Variants in PALM2AKAP2 observed in about 807,000 individuals in gnomAD.
The protein encoded by PALM2AKAP2 is PALM2 and AKAP2 fusion, also known as PALM2-AKAP2 fusion protein.
In PALM2AKAP2, 37 loss-of-function variants were observed where a neutral mutation model predicts 71.5. The observed-to-expected ratio is 0.52, with a 90% CI of 0.40 to 0.68. The LOEUF (loss-of-function observed/expected upper bound fraction) is 0.68. Among genes scored for constraint, PALM2AKAP2 ranks in the 30% least tolerant of loss-of-function variants. PALM2AKAP2 has a pLI of 0.00. For synonymous variants in PALM2AKAP2, 468 were observed against 478.8 expected (o/e 0.98, Z 0.29); for missense variants, 1,224 against 1,191.8 (o/e 1.03, Z -0.40).
intron 1 of PALM2AKAP2, among the ~76,000 whole-genome samples, chr9:109,692,565 C>T (rs2118553941): frequency 6.6e-6 from 1 of 152,024 alleles, no homozygotes; most frequent in Non-Finnish European, 1.5e-5. Flanking sequence ...TATCATGTAG[C>T]TATAGGTTTT....
chr9:110,133,396 AT>A (rs942972812), intron 1 of PALM2AKAP2, among the ~76,000 whole-genome samples: 24 of 149,808 alleles, frequency 1.6e-4, no homozygotes, highest in East Asian at 7.8e-4. Flanking sequence ...CAGAGAACTC[AT>A]TTTTTTTTTA....
At chr9:109,859,716 A>T (rs182349313) in intron 1 of PALM2AKAP2, among the ~76,000 whole-genome samples, 11 of 152,370 alleles carry the variant, frequency 7.2e-5, no homozygotes, top group Admixed American at 2.6e-4. Flanking sequence ...GGGATGAGGA[A>T]TAAATAGAGT....
At chr9:109,941,727 G>A (rs1365739686) in intron 6 of PALM2AKAP2, among the ~76,000 whole-genome samples, 1 of 152,154 alleles carries the variant, frequency 6.6e-6, no homozygotes, top group Non-Finnish European at 1.5e-5. Flanking sequence ...GAGTCTATAG[G>A]ACAGGAAAGA....
intron 6 of PALM2AKAP2, among the ~76,000 whole-genome samples, chr9:109,962,134 A>T (rs1376039974): frequency 1.3e-5 from 2 of 152,260 alleles, no homozygotes; most frequent in African/African-American, 4.8e-5. Context: ...AGTCCTGAAC[A>T]CATTACTGCA....
intron 3 of PALM2AKAP2, among the ~76,000 whole-genome samples, chr9:109,893,312 T>A (rs1425707740): frequency 6.6e-6 from 1 of 152,144 alleles, no homozygotes; most frequent in Non-Finnish European, 1.5e-5. Context: ...AAGTAGAGGA[T>A]GAAAAAGAAC....
rs55991434 is a variant in PALM2AKAP2 at position 109,927,267 on chromosome 9, A to C, written c.394+2185A>C. 3.9e-3 allele frequency among the ~76,000 whole-genome samples: 599 copies of C among 152,336 alleles called. 4 individuals carry two copies. The highest frequency in any genetic ancestry group is 0.012 in the African/African-American group (481 of 41,572). Reference sequence around the variant, plus strand: ...TGTGATTGATGTATATAGAGTCACAATGTGGTGAAGCACATCCCAGTTGAG... The same window carrying C: ...TGTGATTGATGTATATAGAGTCACACTGTGGTGAAGCACATCCCAGTTGAG... On this transcript the variant is annotated intron_variant, in intron 5 of 9. Transcript: ENST00000302798.
chr9:110,052,310 C>T (rs530126036), intron 1 of PALM2AKAP2, among the ~76,000 whole-genome samples: 1 of 152,332 alleles, frequency 6.6e-6, no homozygotes, highest in South Asian at 2.1e-4. Context: ...GCATGAGCCT[C>T]ACCCAGCAGC....
intron 5 of PALM2AKAP2, among the ~76,000 whole-genome samples, chr9:109,928,455 C>T (rs1831006232): frequency 6.6e-6 from 1 of 152,132 alleles, no homozygotes; most frequent in African/African-American, 2.4e-5. Flanking sequence ...TTAGACTATT[C>T]TGACTTTGGC....
At chr9:110,087,702 C>G (rs1834605605) in intron 1 of PALM2AKAP2, among the ~76,000 whole-genome samples, 1 of 152,210 alleles carries the variant, frequency 6.6e-6, no homozygotes, top group South Asian at 2.1e-4. Context: ...GCTAGGTGAG[C>G]TGGTTCATTT....
At chr9:110,142,397 T>C (rs1032902662) in intron 2 of PALM2AKAP2, among the ~76,000 whole-genome samples, 1 of 152,134 alleles carries the variant, frequency 6.6e-6, no homozygotes, top group African/African-American at 2.4e-5. Flanking sequence ...CTGGCCCTTA[T>C]TTGACTTTTA....
chr9:109,896,939 A>G (rs1197683572), intron 3 of PALM2AKAP2, among the ~76,000 whole-genome samples: 1 of 152,222 alleles, frequency 6.6e-6, no homozygotes, highest in Non-Finnish European at 1.5e-5. Context: ...AGTTCCAGCT[A>G]TCTTTTGCTT....
chr9:109,891,470 A>G (rs905874313), intron 3 of PALM2AKAP2, among the ~76,000 whole-genome samples: 3 of 151,964 alleles, frequency 2.0e-5, no homozygotes, highest in Non-Finnish European at 4.4e-5. Flanking sequence ...GAACACTGAC[A>G]TGTCACTCAT....
intron 2 of PALM2AKAP2, among the ~76,000 whole-genome samples, chr9:109,879,601 C>T (rs1425156279): frequency 6.6e-6 from 1 of 152,168 alleles, no homozygotes; most frequent in African/African-American, 2.4e-5. Flanking sequence ...TTTCCCTTCT[C>T]AAAGCAGTAA....
At chr9:109,948,435 G>A (rs1014245442) in intron 6 of PALM2AKAP2, among the ~76,000 whole-genome samples, 4 of 152,266 alleles carry the variant, frequency 2.6e-5, no homozygotes, top group Admixed American at 1.3e-4. Flanking sequence ...AATATAATAT[G>A]TAATTTTGGG....
intron 6 of PALM2AKAP2, among the ~76,000 whole-genome samples, chr9:109,934,884 A>T (rs1415877395): frequency 6.6e-6 from 1 of 152,214 alleles, no homozygotes; most frequent in African/African-American, 2.4e-5. Context: ...TTAATCTCGA[A>T]AGACAAAAAT....
intron 1 of PALM2AKAP2, among the ~76,000 whole-genome samples, chr9:109,750,962 A>C (rs1436425456): frequency 6.6e-6 from 1 of 152,072 alleles, no homozygotes; most frequent in Non-Finnish European, 1.5e-5. Flanking sequence ...ACAAGATAGG[A>C]CCCAATACAG....
intron 3 of PALM2AKAP2, among the ~76,000 whole-genome samples, chr9:110,161,843 TTTTG>T (rs1305719001): frequency 2.0e-5 from 3 of 151,948 alleles, no homozygotes; most frequent in Admixed American, 1.3e-4. Flanking sequence ...GAAAGCAACG[TTTTG>T]AATTAACAAA....
intron 1 of PALM2AKAP2, among the ~76,000 whole-genome samples, chr9:110,057,096 A>G (rs1218141104): frequency 6.6e-6 from 1 of 152,080 alleles, no homozygotes; most frequent in Non-Finnish European, 1.5e-5. Context: ...GTGGGAGGGA[A>G]TTAATATTTC....
At chr9:109,719,644 G>A (rs1474466500) in intron 1 of PALM2AKAP2, among the ~76,000 whole-genome samples, 1 of 152,182 alleles carries the variant, frequency 6.6e-6, no homozygotes, top group Non-Finnish European at 1.5e-5. Context: ...GATAGTTGGA[G>A]GATCAAACAC....
Sources: allele counts gnomAD v4.1 joint callset (sites outside exome capture counted in the v4.1 genomes callset), GRCh38; gene constraint gnomAD v4.1.1; transcripts MANE v1.5; gene names NCBI Gene and HGNC (gene_info 2026-07-23, HGNC 2026-07-21).